The following STK24 variants were observed in gnomAD, a reference collection of about 807,000 sequenced individuals.
STK24 encodes the protein serine/threonine-protein kinase 24.
A neutral mutation model predicts 55.6 loss-of-function variants in STK24; 21 were observed. The observed-to-expected ratio is 0.38, with a 90% confidence interval of 0.27 to 0.54. STK24 has a LOEUF of 0.54. STK24 is among the 20% of genes least tolerant of loss of function. The pLI, the probability that STK24 is intolerant of heterozygous loss-of-function variation, is 0.79. For missense variants in STK24, 383 were observed against 538.4 expected (o/e 0.71, Z 2.86); for synonymous variants, 200 against 215.2 (o/e 0.93, Z 0.62).
Position 98,466,522 on chromosome 13 carries a change from C to A in STK24, c.637G>T (p.Ala213Ser), listed in dbSNP as rs750032550. 3.7e-6 allele frequency: 6 copies of A among 1,613,944 alleles called. No homozygotes were observed. In the South Asian group the frequency reaches 6.6e-5, roughly 18 times the overall value. Residue 213 changes from alanine to serine, a missense_variant, in exon 6 of 11, where the codon GCA becomes TCA. Physicochemically the swap from Ala to Ser is moderately conservative, Grantham distance 99. Transcript: ENST00000539966. ...WSLGITAIEL[A>S]RGEPPHSELH... ...TCGGAATGAGGTGGTTCCCCTCTTG[C>A]AAGTTCAATAGCTGTTATGCCCAGG...
chr13:98,549,785 G>C (rs1566400185), intron 1 of STK24, among the ~76,000 whole-genome samples: 1 of 152,176 alleles, frequency 6.6e-6, no homozygotes, highest in Non-Finnish European at 1.5e-5. Flanking sequence ...GCCTGAGACA[G>C]GCACTAATTC....
intron 2 of STK24, among the ~76,000 whole-genome samples, chr13:98,488,815 GAC>G (rs1158808173): frequency 6.6e-6 from 1 of 152,030 alleles, no homozygotes; most frequent in Non-Finnish European, 1.5e-5. Flanking sequence ...TAAAAAAAAA[GAC>G]AAACGAGAAA....
chr13:98,493,089 G>A (rs993016806), intron 2 of STK24, among the ~76,000 whole-genome samples: 3 of 152,146 alleles, frequency 2.0e-5, no homozygotes, highest in African/African-American at 7.2e-5. Flanking sequence ...AATTTGAAAG[G>A]TTTACGTGCC....
intron 1 of STK24, among the ~76,000 whole-genome samples, chr13:98,526,150 T>C (rs906964739): frequency 5.3e-5 from 8 of 152,200 alleles, no homozygotes; most frequent in African/African-American, 1.9e-4. Context: ...CTTTGCTTTT[T>C]CTGGTTTTTA....
At chr13:98,576,132 C>T (rs1231076484) in intron 1 of STK24, 7 of 985,110 alleles carry the variant, frequency 7.1e-6, no homozygotes, top group Non-Finnish European at 8.4e-6. Context: ...AGGTTTGCAA[C>T]TCGCACTTTC....
chr13:98,487,259 C>A (rs1040660974), intron 2 of STK24, among the ~76,000 whole-genome samples: 2 of 152,220 alleles, frequency 1.3e-5, no homozygotes, highest in Non-Finnish European at 2.9e-5. Flanking sequence ...CTGAGGCACT[C>A]ATTCCCCAAG....
chr13:98,522,521 G>A (rs1192004161), intron 1 of STK24, among the ~76,000 whole-genome samples: 3 of 152,170 alleles, frequency 2.0e-5, no homozygotes, highest in Admixed American at 2.0e-4. Flanking sequence ...CTTTCAAAGC[G>A]CTAGCTCAGG....
In STK24 at chr13:98,461,746, G is replaced by A. The variant is rs200580902; in HGVS notation, c.1053+28C>T. The A allele has an allele frequency of 2.1e-4, 341 of 1,609,790 alleles. 1 individual carries two copies. The highest frequency in any genetic ancestry group is 1.9e-3 in the African/African-American group (144 of 74,974). On this transcript the variant is annotated intron_variant, in intron 8 of 10. Transcript: ENST00000539966. ...CAAAACACTGCAGACTGAGGTCAGC[G>A]TGGCCATTCTGGAGTGAGCAGACGT...
chr13:98,475,581 GC>G (rs907375339), intron 3 of STK24, among the ~76,000 whole-genome samples: 2 of 152,202 alleles, frequency 1.3e-5, no homozygotes, highest in Admixed American at 1.3e-4. Context: ...AGCCAAGCCA[GC>G]AGAGAAGCAA....
Position 98,448,629 on chromosome 13 carries a change from C to G in STK24, c.*4544G>C, listed in dbSNP as rs1893015761. On this transcript the variant is annotated 3_prime_UTR_variant, in exon 11 of 11. Transcript: ENST00000539966. The stretch of plus-strand genomic sequence containing the variant: ...CCCTGCCCCTGAAAAACAGTACACA[C>G]ACATCCGTTCAACACAAGACAGGGC... The G allele has an allele frequency of 3.2e-6, 1 of 315,402 alleles. No homozygotes were observed. Among genetic ancestry groups the G allele is most frequent in the Admixed American group, 4.7e-5 (1 of 21,064 alleles). The allele number at this position is 315,402 out of a possible 1,614,324, so 19.5% of individuals were successfully genotyped here.
chr13:98,477,152 AACT>A (rs1166434548), intron 3 of STK24, among the ~76,000 whole-genome samples: 2 of 152,238 alleles, frequency 1.3e-5, no homozygotes, highest in Non-Finnish European at 2.9e-5. Flanking sequence ...TGCATATCAA[AACT>A]ACTATTCTAA....
At chr13:98,507,130 T>C (rs1594622126) in intron 2 of STK24, among the ~76,000 whole-genome samples, 1 of 152,330 alleles carries the variant, frequency 6.6e-6, no homozygotes, top group East Asian at 1.9e-4. Context: ...CGATTCTCCC[T>C]CCTCAACTTT....
At chr13:98,521,874 G>T (rs565121693) in intron 1 of STK24, 1 of 839,996 alleles carries the variant, frequency 1.2e-6, no homozygotes, top group African/African-American at 1.7e-5. Flanking sequence ...CCAGGATAAG[G>T]CTTCGTCAGT....
chr13:98,576,284 C>A, intron 1 of STK24: 1 of 936,366 alleles, frequency 1.1e-6, no homozygotes, highest in Non-Finnish European at 1.3e-6. Context: ...CTGCCCAGGT[C>A]TCCCGCCCGC....
rs1345073960 is a variant in STK24 at position 98,576,882 on chromosome 13, G to T, written c.-96C>A. On this transcript the variant is annotated 5_prime_UTR_variant, in exon 1 of 11. Transcript: ENST00000539966. ...CGCGGGCCGCGCGCAGCCCTCGGGC[G>T]GCGGGGCCGGCCGGAGCCCGAGGCC... The T allele has an allele frequency of 8.8e-5, 74 of 839,744 alleles. No individual in the cohort carries two copies. The highest frequency in any genetic ancestry group is 1.0e-4 in the Non-Finnish European group (71 of 699,484). The allele number at this position is 839,744 out of a possible 1,614,324, so 52.0% of individuals were successfully genotyped here.
intron 2 of STK24, among the ~76,000 whole-genome samples, chr13:98,513,710 A>C (rs1019584598): frequency 1.3e-5 from 2 of 152,166 alleles, no homozygotes; most frequent in Non-Finnish European, 2.9e-5. Flanking sequence ...TCATCTCTCC[A>C]TATGTACTAA....
In STK24 at chr13:98,446,067, T is replaced by C. The variant is rs1892814706; in HGVS notation, c.*7106A>G. 7.4e-6 allele frequency: 11 copies of C among 1,492,236 alleles called. No homozygotes were observed. The highest frequency in any genetic ancestry group is 1.0e-5 in the Non-Finnish European group (11 of 1,069,450). The allele number at this position is 1,492,236 out of a possible 1,614,324, so 92.4% of individuals were successfully genotyped here. A position where few individuals can be genotyped will look rare whatever the true frequency, so the allele number is the denominator to read the frequency against. On this transcript the variant is annotated 3_prime_UTR_variant, in exon 11 of 11. Transcript: ENST00000539966. ...GTGCCCTCCTGGGGCAGGTGCCCGC[T>C]GTGCTTCTCACAGGCCTCCTTGCCT...
intron 10 of STK24, 82 bp downstream of exon 10, chr13:98,457,086 T>G: frequency 6.6e-7 from 1 of 1,519,052 alleles, no homozygotes; most frequent in Admixed American, 2.0e-5. Flanking sequence ...AGGCCAAGAA[T>G]CAAGTACCAA....
intron 1 of STK24, 126 bp downstream of exon 1, chr13:98,576,619 G>T: frequency 2.8e-6 from 2 of 724,112 alleles, no homozygotes; most frequent in South Asian, 2.4e-5. Context: ...CGAGCCGGGC[G>T]CGCGGGGAGC....
Sources: allele counts gnomAD v4.1 joint callset (sites outside exome capture counted in the v4.1 genomes callset), GRCh38; gene constraint gnomAD v4.1.1; transcripts MANE v1.5; gene names NCBI Gene and HGNC (gene_info 2026-07-23, HGNC 2026-07-21).